Variants in OVCH2 observed in about 807,000 individuals in gnomAD.
OVCH2 encodes ovochymase 2.
A neutral mutation model predicts 73.7 loss-of-function variants in OVCH2; 88 were observed. The observed-to-expected ratio is 1.19, with a 90% CI of 1.01 to 1.43. OVCH2 has a LOEUF of 1.43. Among genes scored for constraint, OVCH2 ranks in the 40% most tolerant of loss-of-function variants. The probability of loss-of-function intolerance (pLI) is 0.00; values close to 1 mark genes in which losing one functional copy is unlikely to be tolerated. For missense variants in OVCH2, 706 were observed against 674.5 expected (o/e 1.05, Z -0.52); for synonymous variants, 265 against 234.5 (o/e 1.13, Z -1.19).
downstream of OVCH2, among the ~76,000 whole-genome samples, chr11:7,687,054 T>A (rs890846062): frequency 6.6e-6 from 1 of 152,018 alleles, no homozygotes; most frequent in African/African-American, 2.4e-5. Flanking sequence ...GCTGCTATAG[T>A]TTTTTGGACT....
At chr11:7,692,028 C>A (rs1856233031) in intron 12 of OVCH2, 33 bp from the exon 13 acceptor site, 1 of 1,439,756 alleles carries the variant, frequency 6.9e-7, no homozygotes, top group Non-Finnish European at 9.5e-7. Flanking sequence ...CCAGAGTAAA[C>A]AATCTGAATG....
At chr11:7,705,459 C>T (rs1002991644) in intron 1 of OVCH2, 2 of 152,186 alleles carry the variant, frequency 1.3e-5, no homozygotes, top group African/African-American at 4.8e-5. Flanking sequence ...AAACAAATGA[C>T]TTTTCTTGAG....
chr11:7,701,349 G>T lies in OVCH2; in HGVS notation c.686C>A (p.Pro229His). The T allele has an allele frequency of 6.2e-7, 1 of 1,613,126 alleles. No individual in the cohort carries two copies. Among genetic ancestry groups the T allele is most frequent in the Non-Finnish European group, 8.5e-7 (1 of 1,179,632 alleles). ...CTGACATGCGTCTCTCCCTCCATCA[G>T]GAAAACCTGTGCAAAGAAAGGTCTT... ...SGKTFLCTGF[P>H]DGGRDACQGD... The change falls in exon 6 of 16, where the codon CCT becomes CAT. Residue 229 changes from proline to histidine, a missense_variant. Coordinates refer to ENST00000533663, the MANE Select transcript of OVCH2 (RefSeq NM_198185.7).
intron 8 of OVCH2, among the ~76,000 whole-genome samples, chr11:7,697,746 T>C (rs549267072): frequency 7.2e-5 from 11 of 152,308 alleles, no homozygotes; most frequent in African/African-American, 2.2e-4. Context: ...TCTGTGGATA[T>C]TGCCTTGGTT....
intron 1 of OVCH2, chr11:7,705,253 C>T (rs189323342): frequency 6.6e-6 from 1 of 152,452 alleles, no homozygotes; most frequent in Admixed American, 6.5e-5. Context: ...GGGATTGCCT[C>T]TCCCTTGTGT....
intron 4 of OVCH2, 103 bp downstream of exon 4, chr11:7,702,054 T>A: frequency 8.9e-7 from 1 of 1,124,338 alleles, no homozygotes; most frequent in Non-Finnish European, 1.3e-6. Flanking sequence ...AATTCCTATC[T>A]CAAAGTGCAT....
At chr11:7,684,241 T>C in the OVCH2 span, among the ~76,000 whole-genome samples, 7 of 152,058 alleles carry the variant, frequency 4.6e-5, no homozygotes, top group African/African-American at 1.7e-4. Flanking sequence ...ATGGATCTCA[T>C]GCCACATATA....
At position 7,695,132 on chromosome 11, in the gene OVCH2, T is replaced by G; in HGVS notation, c.1339A>C (p.Asn447His). 1 of 1,555,712 alleles carries G rather than the reference T, an allele frequency of 6.4e-7. No individual in the cohort carries two copies. Among genetic ancestry groups the G allele is most frequent in the South Asian group, 1.2e-5 (1 of 84,098 alleles). The change falls in exon 12 of 16, where the codon AAC becomes CAC. Residue 447 changes from asparagine to histidine, a missense_variant. Coordinates refer to ENST00000533663, the MANE Select transcript of OVCH2 (RefSeq NM_198185.7). Reference sequence around the variant, plus strand: ...TTGTCACTGTAGTTTTCAGGATAGTTTAGACTCTGTATGAGACCTTCTTCA... The same window carrying G: ...TTGTCACTGTAGTTTTCAGGATAGTGTAGACTCTGTATGAGACCTTCTTCA... The part of the protein sequence containing the change: ...LFEEGLIQSL[N>H]YPENYSDKAN...
At chr11:7,680,897 G>C in the OVCH2 span, among the ~76,000 whole-genome samples, 2 of 152,104 alleles carry the variant, frequency 1.3e-5, no homozygotes, top group African/African-American at 4.8e-5. Flanking sequence ...ATTTCCTAGG[G>C]CTTGGCTCAG....
the OVCH2 span, among the ~76,000 whole-genome samples, chr11:7,679,639 C>T: frequency 6.6e-6 from 1 of 152,170 alleles, no homozygotes; most frequent in African/African-American, 2.4e-5. Context: ...GAGGCCTCCC[C>T]AGACATGCAA....
chr11:7,699,500 TAA>T (rs1856395280), intron 7 of OVCH2: 1 of 152,282 alleles, frequency 6.6e-6, no homozygotes, highest in South Asian at 2.1e-4. Flanking sequence ...TAAGACAAAG[TAA>T]ATGCTATGTA....
At chr11:7,688,174 T>C (rs1031104830), downstream of OVCH2, among the ~76,000 whole-genome samples, 2 of 152,098 alleles carry the variant, frequency 1.3e-5, no homozygotes, top group African/African-American at 4.8e-5. Context: ...GGTCTTCCCT[T>C]TTCTCTTTTT....
intron 14 of OVCH2, 143 bp from the exon 15 acceptor site, chr11:7,690,156 G>C (rs1400497667): frequency 8.3e-6 from 5 of 602,270 alleles, no homozygotes; most frequent in African/African-American, 3.7e-5. Context: ...CAAATGAGGA[G>C]TGGGGCATTT....
chr11:7,684,208 C>T, the OVCH2 span, among the ~76,000 whole-genome samples: 4 of 152,082 alleles, frequency 2.6e-5, no homozygotes, highest in African/African-American at 9.6e-5. Context: ...AAAAGTTTGT[C>T]AGCAGAAGTT....
chr11:7,706,309 T>C lies in OVCH2; in HGVS notation c.86A>G (p.Lys29Arg). The change falls in exon 1 of 16, where the codon AAA becomes AGA. Residue 29 changes from lysine (K) to arginine (R), a missense_variant and splice_region_variant. By Grantham distance (26) the Lys-to-Arg change is conservative. Coordinates refer to ENST00000533663, the MANE Select transcript of OVCH2 (RefSeq NM_198185.7). ...TATAGAGTTCATTTGAAACTTACCT[T>C]TGGGGAGCGAAAGAGTTGCAGATTT... ...RGKSATLSLP[K>R]APSCGQSLVK... 4 of 1,583,134 alleles carry C rather than the reference T, an allele frequency of 2.5e-6. No homozygotes were observed. Among genetic ancestry groups the C allele is most frequent in the Non-Finnish European group, 3.4e-6 (4 of 1,163,064 alleles).
intron 2 of OVCH2, among the ~76,000 whole-genome samples, chr11:7,704,082 A>C (rs576508777): frequency 6.6e-6 from 1 of 152,298 alleles, no homozygotes; most frequent in East Asian, 1.9e-4. Context: ...AACACAGTTG[A>C]TGCAGACCTG....
intron 3 of OVCH2, among the ~76,000 whole-genome samples, chr11:7,703,201 A>G (rs1395918974): frequency 2.0e-5 from 3 of 152,216 alleles, no homozygotes; most frequent in Admixed American, 6.5e-5. Context: ...AACACTGTCA[A>G]TAATAGGATA....
chr11:7,700,571 G>T, intron 6 of OVCH2, 86 bp from the exon 7 acceptor site: 1 of 1,396,052 alleles, frequency 7.2e-7, no homozygotes, highest in African/African-American at 1.4e-5. Context: ...GATGCTGGAG[G>T]AGGATCAATG....
At chr11:7,686,879 A>G (rs1856146740), downstream of OVCH2, among the ~76,000 whole-genome samples, 1 of 152,196 alleles carries the variant, frequency 6.6e-6, no homozygotes. Flanking sequence ...CAAACCACAA[A>G]GTGACACTCC....
Sources: gnomAD v4.1 joint callset for allele counts (sites outside exome capture counted in the v4.1 genomes callset) on GRCh38, gnomAD v4.1.1 for gene constraint, MANE v1.5 for transcripts, NCBI Gene and HGNC (gene_info 2026-07-23, HGNC 2026-07-21) for gene names.